Variants in NDUFA9 observed in about 807,000 individuals in gnomAD.
The protein encoded by NDUFA9 is NADH:ubiquinone oxidoreductase subunit A9, also known as NADH dehydrogenase [ubiquinone] 1 alpha subcomplex subunit 9, mitochondrial.
NDUFA9 carries 23 observed loss-of-function variants against 45.9 expected under a neutral mutation model. The ratio of observed to expected loss-of-function variants is 0.50; its 90% confidence interval spans 0.36 to 0.71. The LOEUF is 0.71. Among genes scored for constraint, NDUFA9 ranks in the 30% least tolerant of loss-of-function variants. The pLI is 0.00. For synonymous variants in NDUFA9, 176 were observed against 170.5 expected (o/e 1.03, Z -0.25); for missense variants, 466 against 488.2 (o/e 0.95, Z 0.43).
Position 4,688,916 on chromosome 12 carries a change from A to G in NDUFA9, c.*1808A>G, listed in dbSNP as rs972698394. ...TAATTTGAAAAGGAACTATAATTCT[A>G]TAATGCACAGTGTCCTCTCTTAGAA... On this transcript the variant is annotated 3_prime_UTR_variant, in exon 11 of 11. Transcript: ENST00000266544. 1.1e-4 allele frequency: 16 copies of G among 152,062 alleles called. No homozygotes were observed. The highest frequency in any genetic ancestry group is 1.0e-3 in the Admixed American group (16 of 15,270). The allele number at this position is 152,062 out of a possible 1,614,324, so 9.4% of individuals were successfully genotyped here. A position where few individuals can be genotyped will look rare whatever the true frequency, so the allele number is the denominator to read the frequency against.
chr12:4,668,482 C>T lies in NDUFA9; in HGVS notation c.681C>T (p.Pro227=), dbSNP rs1565568674. 5.0e-6 allele frequency: 8 copies of T among 1,613,746 alleles called. No homozygotes were observed. In the South Asian group the frequency reaches 6.6e-5, roughly 13 times the overall value. The change falls in exon 7 of 11, where the codon CCC becomes CCT. Residue 227 remains proline, a synonymous_variant. Coordinates refer to ENST00000266544, the MANE Select transcript of NDUFA9 (RefSeq NM_005002.5). ...FASMHRFGPI[P]LGSLGWKTVK... is the part of the protein sequence containing the mutation. ...GTATGCATCGGTTTGGTCCTATACC[C>T]CTTGGTTCCTTGGGCTGGAAGACAG... is the stretch of plus-strand genomic sequence containing the variant.
intron 8 of NDUFA9, among the ~76,000 whole-genome samples, chr12:4,672,500 C>T (rs1052401399): frequency 7.2e-5 from 11 of 152,350 alleles, no homozygotes; most frequent in Admixed American, 6.5e-4. Context: ...ATTCTCGCTC[C>T]TAGCTCAGCA....
In NDUFA9 at chr12:4,657,853, T is replaced by A; in HGVS notation, c.410+14T>A. 2.5e-6 allele frequency: 4 copies of A among 1,582,412 alleles called. No individual in the cohort carries two copies. Among genetic ancestry groups the A allele is most frequent in the Non-Finnish European group, 3.5e-6 (4 of 1,151,338 alleles). ...CTGGGAAACCAAGTAAGTCTTTGAC[T>A]CTTGTTTCTTCTTTGCTTAAGTCTT... On this transcript the variant is annotated intron_variant, in intron 4 of 10. Coordinates refer to ENST00000266544, the MANE Select transcript of NDUFA9 (RefSeq NM_005002.5).
chr12:4,668,196 A>T (rs116069447), intron 6 of NDUFA9, among the ~76,000 whole-genome samples: 250 of 152,342 alleles, frequency 1.6e-3, no homozygotes, highest in African/African-American at 5.7e-3. Flanking sequence ...TGCATTTAGC[A>T]TTGCAGAGCA....
chr12:4,673,577 A>G (rs1211545452), intron 8 of NDUFA9, among the ~76,000 whole-genome samples: 2 of 152,068 alleles, frequency 1.3e-5, no homozygotes, highest in East Asian at 3.9e-4. Context: ...AAAGCATATC[A>G]GAGATTGAAG....
At chr12:4,662,073 T>C (rs1042221592) in intron 5 of NDUFA9, among the ~76,000 whole-genome samples, 27 of 152,190 alleles carry the variant, frequency 1.8e-4, no homozygotes, top group Admixed American at 7.2e-4. Context: ...CAAGTAAGGA[T>C]GGTACAGCAA....
At chr12:4,680,978 T>A (rs553706405) in intron 8 of NDUFA9, among the ~76,000 whole-genome samples, 1 of 152,266 alleles carries the variant, frequency 6.6e-6, no homozygotes, top group East Asian at 1.9e-4. Flanking sequence ...TATGTAAGGA[T>A]ATAGTATGTG....
At chr12:4,681,610 TA>T (rs1945952904) in intron 8 of NDUFA9, among the ~76,000 whole-genome samples, 1 of 149,144 alleles carries the variant, frequency 6.7e-6, no homozygotes, top group African/African-American at 2.4e-5. Context: ...TATAATTATC[TA>T]AAATGTTATA....
At chr12:4,679,087 A>T (rs887376378) in intron 8 of NDUFA9, among the ~76,000 whole-genome samples, 2 of 152,344 alleles carry the variant, frequency 1.3e-5, no homozygotes, top group East Asian at 3.9e-4. Flanking sequence ...AAGTTCAACA[A>T]TAAAAGGAAT....
intron 8 of NDUFA9, among the ~76,000 whole-genome samples, chr12:4,672,531 G>A (rs1040189841): frequency 1.3e-4 from 20 of 152,176 alleles, no homozygotes; most frequent in African/African-American, 2.7e-4. Context: ...AACCTGGGAC[G>A]TATGAGCTTG....
intron 8 of NDUFA9, among the ~76,000 whole-genome samples, chr12:4,681,489 C>CTT (rs890421504): frequency 7.0e-6 from 1 of 143,468 alleles, no homozygotes; most frequent in Non-Finnish European, 1.5e-5. Flanking sequence ...CATGAGATAC[C>CTT]TTTTTTTTTT....
chr12:4,675,447 A>G, intron 8 of NDUFA9, among the ~76,000 whole-genome samples: 1 of 152,168 alleles, frequency 6.6e-6, no homozygotes, highest in Non-Finnish European at 1.5e-5. Context: ...AGAAGAATCA[A>G]ATAGATGCAA....
chr12:4,681,345 T>C lies in NDUFA9; in HGVS notation c.801-860T>C, dbSNP rs181097865. ...ACAATAAAAGGTATTTCCAACAATA[T>C]CACTAAAATATAGAGAATTCTTACA... On this transcript the variant is annotated intron_variant, in intron 8 of 10. Transcript: ENST00000266544. Among the ~76,000 whole-genome samples the C allele has an allele frequency of 1.9e-4, 29 of 151,794 alleles. 1 individual carries two copies. Among genetic ancestry groups the C allele is most frequent in the Admixed American group, 1.7e-3 (26 of 15,246 alleles).
rs1946018381 is a variant in NDUFA9 at position 4,691,503 on chromosome 12, C to G, written c.*4395C>G. 6.6e-6 allele frequency: 1 copy of G among 152,114 alleles called. No homozygotes were observed. The highest frequency in any genetic ancestry group is 2.1e-4 in the South Asian group (1 of 4,820). 9.4% of individuals were successfully genotyped at this position (152,114 alleles called of 1,614,324 possible). ...GTTCCAGAAAGGATTTAAGGATGCTCAGGAGGAAGACATTCCCAGAGTTAC... is the reference window on the plus strand; with the variant it reads ...GTTCCAGAAAGGATTTAAGGATGCTGAGGAGGAAGACATTCCCAGAGTTAC... On this transcript the variant is annotated 3_prime_UTR_variant, in exon 11 of 11. Coordinates refer to ENST00000266544, the MANE Select transcript of NDUFA9 (RefSeq NM_005002.5).
At chr12:4,674,048 A>G (rs1229664774) in intron 8 of NDUFA9, among the ~76,000 whole-genome samples, 1 of 152,208 alleles carries the variant, frequency 6.6e-6, no homozygotes, top group Non-Finnish European at 1.5e-5. Context: ...TCAACCTAGA[A>G]TTTCACATCT....
At chr12:4,668,609 T>G in intron 7 of NDUFA9, 85 bp downstream of exon 7, 1 of 1,229,580 alleles carries the variant, frequency 8.1e-7, no homozygotes, top group Non-Finnish European at 1.2e-6. Flanking sequence ...TGTCCTAATT[T>G]AGTAACTCTG....
At chr12:4,658,176 T>A (rs1945802526) in intron 4 of NDUFA9, among the ~76,000 whole-genome samples, 1 of 152,190 alleles carries the variant, frequency 6.6e-6, no homozygotes, top group South Asian at 2.1e-4. Context: ...TGAACTTTGG[T>A]TTTTCTTGTG....
rs137890346 is a variant in NDUFA9 at position 4,686,125 on chromosome 12, C to T, written c.963+800C>T. 3.9e-5 allele frequency among the ~76,000 whole-genome samples: 6 copies of T among 152,294 alleles called. No individual in the cohort carries two copies. The East Asian group carries it at 9.7e-4, about 25-fold the overall frequency. ...TTATCTTACACTAAAGTGTCTCTTA[C>T]GTTTATACTTGAGAAAGTGTTGATA... is the stretch of plus-strand genomic sequence containing the variant. On this transcript the variant is annotated intron_variant, in intron 10 of 10. Coordinates refer to ENST00000266544, the MANE Select transcript of NDUFA9 (RefSeq NM_005002.5).
Position 4,693,888 on chromosome 12 carries a change from T to C in NDUFA9, c.*6780T>C, listed in dbSNP as rs1273016672. ...CGACATTTTATAACTGAATAAACAA[T>C]AAAAAACAAGAGAAGTGACAGCTTT... On this transcript the variant is annotated 3_prime_UTR_variant, in exon 11 of 11. Coordinates refer to ENST00000266544, the MANE Select transcript of NDUFA9 (RefSeq NM_005002.5). 2 of 151,814 alleles carry C rather than the reference T, an allele frequency of 1.3e-5. No individual in the cohort carries two copies. Among genetic ancestry groups the C allele is most frequent in the Admixed American group, 1.3e-4 (2 of 15,248 alleles). The allele number at this position is 151,814 out of a possible 1,614,324, so 9.4% of individuals were successfully genotyped here.
Sources: gnomAD v4.1 joint callset for allele counts (sites outside exome capture counted in the v4.1 genomes callset) on GRCh38, gnomAD v4.1.1 for gene constraint, MANE v1.5 for transcripts, NCBI Gene and HGNC (gene_info 2026-07-23, HGNC 2026-07-21) for gene names.